Variants in SMARCAL1 observed in about 807,000 individuals in gnomAD.
SMARCAL1 encodes SNF2 related chromatin remodeling annealing helicase 1.
SMARCAL1 carries 58 observed loss-of-function variants against 94.5 expected under a neutral mutation model. The ratio of observed to expected loss-of-function variants is 0.61; its 90% CI spans 0.50 to 0.76. SMARCAL1 has a LOEUF of 0.76. Among genes scored for constraint, SMARCAL1 ranks in the 30% least tolerant of loss-of-function variants. SMARCAL1 has a pLI of 0.00. For missense variants in SMARCAL1, 1,051 were observed against 1,177.9 expected, an observed-to-expected ratio of 0.89 and a Z score of 1.58; for synonymous variants, 422 against 455.1, an observed-to-expected ratio of 0.93 and a Z score of 0.93.
intron 6 of SMARCAL1, 121 bp from the exon 7 acceptor site, chr2:216,428,475 A>G (rs1483144552): frequency 1.1e-5 from 10 of 923,116 alleles, no homozygotes; most frequent in African/African-American, 3.2e-5. Context: ...TTCTCCACCC[A>G]TTATATAGGG....
intron 14 of SMARCAL1, among the ~76,000 whole-genome samples, chr2:216,470,193 C>T (rs986906151): frequency 9.9e-5 from 15 of 152,154 alleles, no homozygotes; most frequent in African/African-American, 3.6e-4. Flanking sequence ...CTCCGTTGCC[C>T]GGGCTGGAGT....
chr2:216,462,930 C>T (rs2106071029), intron 12 of SMARCAL1, among the ~76,000 whole-genome samples: 1 of 152,166 alleles, frequency 6.6e-6, no homozygotes, highest in East Asian at 1.9e-4. Context: ...GCTGAGGCTG[C>T]AGTGAGCCAT....
At position 216,435,475 on chromosome 2, in the gene SMARCAL1, C is replaced by G. The variant is rs369723694; in HGVS notation, c.1623C>G (p.Thr541=). The G allele has an allele frequency of 6.2e-7, 1 of 1,613,980 alleles. No individual in the cohort carries two copies. ...LLSKLEKQLK[T]PFKVVIIDES... ...GCAAGTTGGAAAAACAGCTAAAAAC[C>G]CCTTTTAAAGTTGTCATCATTGTAA... The change falls in exon 9 of 18, where the codon ACC becomes ACG. Residue 541 remains threonine (T), a synonymous_variant. Coordinates refer to ENST00000357276, the MANE Select transcript of SMARCAL1 (RefSeq NM_014140.4).
At chr2:216,430,610 AT>A (rs563394928) in intron 7 of SMARCAL1, among the ~76,000 whole-genome samples, 45 of 152,076 alleles carry the variant, frequency 3.0e-4, no homozygotes, top group Non-Finnish European at 5.3e-4. Context: ...CTTTGTTGTC[AT>A]TTTTTGGCCA....
intron 9 of SMARCAL1, among the ~76,000 whole-genome samples, chr2:216,437,569 C>T (rs964252977): frequency 2.3e-4 from 35 of 152,136 alleles, no homozygotes; most frequent in African/African-American, 8.4e-4. Flanking sequence ...CAACCTAATA[C>T]ATAAGGAATT....
intron 7 of SMARCAL1, among the ~76,000 whole-genome samples, chr2:216,431,155 G>T (rs931295656): frequency 2.0e-5 from 3 of 152,204 alleles, no homozygotes; most frequent in Admixed American, 2.0e-4. Context: ...TACTGGCTTC[G>T]GGCTGCCTGG....
Position 216,433,911 on chromosome 2 carries a change from C to T in SMARCAL1, c.1485+1043C>T, listed in dbSNP as rs190352117. On this transcript the variant is annotated intron_variant, in intron 8 of 17. Transcript: ENST00000357276. ...CAAGGCCCAGATGTGCTATTCTGAC[C>T]GAAGAGATGGCAAAAAAAAAAAACA... 5.7e-4 allele frequency among the ~76,000 whole-genome samples: 85 copies of T among 148,572 alleles called. No homozygotes were observed. In the East Asian group the frequency reaches 0.014, roughly 25 times the overall value.
intron 4 of SMARCAL1, 127 bp downstream of exon 4, chr2:216,416,434 C>G (rs923888856): frequency 3.5e-5 from 28 of 788,818 alleles, no homozygotes; most frequent in Admixed American, 2.0e-4. Context: ...GGCACCCCCC[C>G]CAACACTCCT....
chr2:216,421,336 T>TAACA (rs1693715619), intron 5 of SMARCAL1, among the ~76,000 whole-genome samples: 1 of 152,152 alleles, frequency 6.6e-6, no homozygotes, highest in East Asian at 1.9e-4. Flanking sequence ...TTCACTCTGT[T>TAACA]GCCCAGGCTG....
At chr2:216,431,662 G>C (rs78087293) in intron 7 of SMARCAL1, among the ~76,000 whole-genome samples, 5,330 of 152,268 alleles carry the variant, frequency 0.035, 205 homozygotes, top group East Asian at 0.16. Context: ...GAGGCATAGG[G>C]AGGTTAAATC....
chr2:216,467,990 G>A lies in SMARCAL1; in HGVS notation c.2188G>A (p.Val730Ile), dbSNP rs781361483. 1.2e-6 allele frequency: 2 copies of A among 1,613,696 alleles called. No individual in the cohort carries two copies. Among genetic ancestry groups the A allele is most frequent in the South Asian group, 1.1e-5 (1 of 91,068 alleles). The change falls in exon 14 of 18, where the codon GTA (valine) becomes ATA (isoleucine). Residue 730 changes from valine (V) to isoleucine (I), a missense_variant. By Grantham distance (29) the Val-to-Ile change is conservative. Coordinates refer to ENST00000357276, the MANE Select transcript of SMARCAL1 (RefSeq NM_014140.4). Reference sequence around the variant, plus strand: ...GGAAAGTGGAAGAGAGAAGTTTTTAGTATTTGCACACCATAAGGTGGTCCT... The same window carrying A: ...GGAAAGTGGAAGAGAGAAGTTTTTAATATTTGCACACCATAAGGTGGTCCT... ...LLESGREKFL[V>I]FAHHKVVLDA...
At chr2:216,429,002 G>A (rs1256691568) in intron 7 of SMARCAL1, among the ~76,000 whole-genome samples, 1 of 152,204 alleles carries the variant, frequency 6.6e-6, no homozygotes, top group Non-Finnish European at 1.5e-5. Flanking sequence ...CTGAATTGCA[G>A]CTATGCAGAA....
intron 2 of SMARCAL1, chr2:216,414,133 T>C (rs1334087792): frequency 6.5e-6 from 1 of 154,446 alleles, no homozygotes. Flanking sequence ...GCCTCTGAAA[T>C]GCCTTTTTAG....
intron 8 of SMARCAL1, among the ~76,000 whole-genome samples, chr2:216,434,927 C>T (rs938141943): frequency 2.0e-5 from 3 of 149,306 alleles, no homozygotes; most frequent in East Asian, 4.0e-4. Context: ...GGCGCGATCT[C>T]GTCTCACCAC....
chr2:216,413,095 C>T (rs1693502081), intron 1 of SMARCAL1, among the ~76,000 whole-genome samples: 1 of 135,178 alleles, frequency 7.4e-6, no homozygotes, highest in Admixed American at 9.0e-5. Context: ...CCCTTCCTAA[C>T]TGCTAATGGT....
chr2:216,414,499 G>C, intron 2 of SMARCAL1, 148 bp from the exon 3 acceptor site: 1 of 590,652 alleles, frequency 1.7e-6, no homozygotes, highest in Non-Finnish European at 3.0e-6. Context: ...CTATTTCAGT[G>C]TGTGTGCAAT....
At chr2:216,432,598 G>A in intron 7 of SMARCAL1, 120 bp from the exon 8 acceptor site, 2 of 1,175,926 alleles carry the variant, frequency 1.7e-6, no homozygotes, top group Non-Finnish European at 2.5e-6. Context: ...GTCTGGTGGT[G>A]GGCTGGGCCC....
chr2:216,451,297 G>A, intron 12 of SMARCAL1: 1 of 529,356 alleles, frequency 1.9e-6, no homozygotes. Flanking sequence ...TTGATGGATG[G>A]CCATAAAGAT....
intron 10 of SMARCAL1, among the ~76,000 whole-genome samples, chr2:216,444,233 G>T (rs1407756376): frequency 6.6e-6 from 1 of 152,014 alleles, no homozygotes; most frequent in Non-Finnish European, 1.5e-5. Context: ...TGAATATATG[G>T]TATTGTATAA....
Sources: gnomAD v4.1 joint callset for allele counts (sites outside exome capture counted in the v4.1 genomes callset) on GRCh38, gnomAD v4.1.1 for gene constraint, MANE v1.5 for transcripts, NCBI Gene and HGNC (gene_info 2026-07-23, HGNC 2026-07-21) for gene names.